Variants in ADK observed in about 807,000 individuals in gnomAD.
ADK encodes adenosine kinase.
In ADK, 24 loss-of-function variants were observed where a neutral mutation model predicts 44.7. The ratio of observed to expected loss-of-function variants is 0.54; its 90% CI spans 0.39 to 0.76. The LOEUF is 0.76. Among genes scored for constraint, ADK ranks in the 30% least tolerant of loss-of-function variants. The pLI is 0.00. For missense variants in ADK, 321 were observed against 425.1 expected (o/e 0.76, Z 2.15); for synonymous variants, 128 against 142.6 (o/e 0.90, Z 0.73).
At chr10:74,217,580 C>A (rs1564599226) in intron 2 of ADK, among the ~76,000 whole-genome samples, 1 of 152,370 alleles carries the variant, frequency 6.6e-6, no homozygotes, top group African/African-American at 2.4e-5. Flanking sequence ...AAGTGGGTCC[C>A]TGACCCCTGA....
chr10:74,672,476 A>G (rs1199107246), intron 10 of ADK, among the ~76,000 whole-genome samples: 1 of 152,164 alleles, frequency 6.6e-6, no homozygotes, highest in African/African-American at 2.4e-5. Context: ...GGATTTCACT[A>G]TACATTGTTG....
intron 4 of ADK, among the ~76,000 whole-genome samples, chr10:74,342,558 A>G (rs895927659): frequency 5.9e-5 from 9 of 152,012 alleles, no homozygotes; most frequent in African/African-American, 1.7e-4. Context: ...CTGCAGCCAC[A>G]ATCTCCTAGG....
chr10:74,568,131 A>T (rs185888242), intron 7 of ADK, among the ~76,000 whole-genome samples: 1 of 152,162 alleles, frequency 6.6e-6, no homozygotes, highest in Admixed American at 6.5e-5. Flanking sequence ...TTAAAAGATT[A>T]TGAGGTGGGT....
chr10:74,321,866 G>A (rs1206461536), intron 4 of ADK, among the ~76,000 whole-genome samples: 1 of 152,004 alleles, frequency 6.6e-6, no homozygotes, highest in East Asian at 1.9e-4. Context: ...TATGTAAAAT[G>A]AGTTTCTAAA....
intron 1 of ADK, among the ~76,000 whole-genome samples, chr10:74,200,148 C>T (rs1363591613): frequency 6.7e-6 from 1 of 149,186 alleles, no homozygotes; most frequent in Non-Finnish European, 1.5e-5. Flanking sequence ...GCAACCTTGA[C>T]ACCATCTGTT....
chr10:74,613,568 G>A (rs1308712934), intron 9 of ADK, among the ~76,000 whole-genome samples: 2 of 151,878 alleles, frequency 1.3e-5, no homozygotes, highest in Admixed American at 1.3e-4. Flanking sequence ...TAAGTAAATG[G>A]GGTTATTGAC....
chr10:74,295,836 G>A (rs1839791892), intron 3 of ADK, among the ~76,000 whole-genome samples: 1 of 151,048 alleles, frequency 6.6e-6, no homozygotes, highest in South Asian at 2.1e-4. Context: ...CTTTTTCTAA[G>A]TATTTGTACA....
chr10:74,224,444 T>G, intron 2 of ADK, 94 bp from the exon 3 acceptor site: 1 of 929,212 alleles, frequency 1.1e-6, no homozygotes, highest in Non-Finnish European at 1.8e-6. Flanking sequence ...CAGAGACCTA[T>G]AACAGTGTTG....
At chr10:74,227,132 C>G (rs1437369437) in intron 3 of ADK, among the ~76,000 whole-genome samples, 1 of 152,060 alleles carries the variant, frequency 6.6e-6, no homozygotes, top group African/African-American at 2.4e-5. Context: ...AACTCACCTG[C>G]TGTATTAAAA....
rs1330161866 is a variant in ADK at position 74,300,275 on chromosome 10, C to T, written c.195-14392C>T. ...CTCTCCTTGTTTCCTTCCTTCCTTCCTTCCTTCCTTCCTTCCTTCCTTCCT... is the reference window on the plus strand; with the variant it reads ...CTCTCCTTGTTTCCTTCCTTCCTTCTTTCCTTCCTTCCTTCCTTCCTTCCT... On this transcript the variant is annotated intron_variant, in intron 3 of 10. Coordinates refer to ENST00000539909, the MANE Select transcript of ADK (RefSeq NM_006721.4). Among the ~76,000 whole-genome samples the T allele has an allele frequency of 2.3e-3, 121 of 52,670 alleles. 3 individuals are homozygous for T. The highest frequency in any genetic ancestry group is 0.012 in the Middle Eastern group (1 of 82). 34.6% of individuals were successfully genotyped at this position (52,670 alleles called of 152,430 possible).
chr10:74,397,366 G>C (rs1843555855), intron 5 of ADK, among the ~76,000 whole-genome samples: 1 of 150,732 alleles, frequency 6.6e-6, no homozygotes, highest in Non-Finnish European at 1.5e-5. Context: ...GATTTTTTTT[G>C]TAAGCTATAA....
At chr10:74,395,625 A>G (rs1843480778) in intron 5 of ADK, among the ~76,000 whole-genome samples, 1 of 152,166 alleles carries the variant, frequency 6.6e-6, no homozygotes, top group Admixed American at 6.5e-5. Context: ...GTAGGTGCAA[A>G]GTTTTCCCAT....
At chr10:74,323,097 A>C (rs1159791898) in intron 4 of ADK, among the ~76,000 whole-genome samples, 1 of 152,164 alleles carries the variant, frequency 6.6e-6, no homozygotes, top group Non-Finnish European at 1.5e-5. Flanking sequence ...TTTCTGTCTA[A>C]AAGCAAAACA....
intron 2 of ADK, among the ~76,000 whole-genome samples, chr10:74,208,956 C>T (rs1018463804): frequency 6.6e-6 from 1 of 152,032 alleles, no homozygotes; most frequent in East Asian, 1.9e-4. Flanking sequence ...AGGGTGGTCT[C>T]GAACTCCTGA....
chr10:74,151,446 C>A, intron 1 of ADK, 103 bp downstream of exon 1: 1 of 1,274,968 alleles, frequency 7.8e-7, no homozygotes. Context: ...CTCTCACTGC[C>A]AGCTTGGGGC....
intron 9 of ADK, among the ~76,000 whole-genome samples, chr10:74,664,307 G>A (rs1341160365): frequency 2.0e-5 from 3 of 151,988 alleles, no homozygotes; most frequent in African/African-American, 7.2e-5. Flanking sequence ...TTTTGTGTGG[G>A]TGAGGGGAGG....
intron 7 of ADK, among the ~76,000 whole-genome samples, chr10:74,533,986 A>G (rs1321027871): frequency 2.6e-5 from 4 of 152,248 alleles, no homozygotes; most frequent in Non-Finnish European, 5.9e-5. Flanking sequence ...CCAACAGCAT[A>G]GAAGAATTTT....
chr10:74,507,931 G>A (rs1252833920), intron 6 of ADK, among the ~76,000 whole-genome samples: 1 of 152,086 alleles, frequency 6.6e-6, no homozygotes, highest in Non-Finnish European at 1.5e-5. Flanking sequence ...ATTTTAAATG[G>A]GCATTGACAT....
Position 74,235,128 on chromosome 10 carries a change from CT to C in ADK, c.194+10553del, listed in dbSNP as rs35193175. ...TTTAGCTGGATACTTGAAATTATCC[CT>C]TTTTTTTTTTTTTTTCTGAAACTTT... On this transcript the variant is annotated intron_variant, in intron 3 of 10. Transcript: ENST00000539909. 5.5e-3 allele frequency among the ~76,000 whole-genome samples: 715 copies of C among 130,100 alleles called. 7 individuals are homozygous for C. Among genetic ancestry groups the C allele is most frequent in the African/African-American group, 0.019 (630 of 33,348 alleles). 85.4% of individuals were successfully genotyped at this position (130,100 alleles called of 152,430 possible).
Sources: gnomAD v4.1 joint callset for allele counts (sites outside exome capture counted in the v4.1 genomes callset) on GRCh38, gnomAD v4.1.1 for gene constraint, MANE v1.5 for transcripts, NCBI Gene and HGNC (gene_info 2026-07-23, HGNC 2026-07-21) for gene names.